EARS2: variants seen among roughly 807,000 people sequenced by gnomAD.
The protein encoded by EARS2 is glutamyl-tRNA synthetase 2, mitochondrial.
Under a neutral mutation model 54.1 loss-of-function variants are expected in EARS2, and 50 were observed. That is an observed-to-expected ratio of 0.92 (90% CI 0.74 to 1.17). The LOEUF (loss-of-function observed/expected upper bound fraction) is 1.17, where lower values mean the gene tolerates loss of function less well. Ranked by LOEUF, EARS2 falls within the 50% of genes most tolerant of loss-of-function variation. The pLI, the probability that EARS2 is intolerant of heterozygous loss-of-function variation, is 0.00. For synonymous variants in EARS2, 298 were observed against 281.0 expected (o/e 1.06, Z -0.61); for missense variants, 673 against 675.0 (o/e 1.00, Z 0.03).
intron 8 of EARS2, among the ~76,000 whole-genome samples, chr16:23,524,791 C>T (rs577485568): frequency 2.6e-5 from 4 of 151,936 alleles, no homozygotes; most frequent in East Asian, 1.9e-4. Flanking sequence ...GGATTACAGG[C>T]GCACCACCAC....
intron 1 of EARS2, 136 bp from the exon 2 acceptor site, chr16:23,552,440 A>G (rs1349343103): frequency 7.9e-6 from 8 of 1,009,398 alleles, no homozygotes; most frequent in Non-Finnish European, 1.1e-5. Flanking sequence ...CACGCCTGTA[A>G]TCCTACCACT....
chr16:23,549,544 C>T (rs901696619), intron 2 of EARS2, among the ~76,000 whole-genome samples: 4 of 152,202 alleles, frequency 2.6e-5, no homozygotes, highest in African/African-American at 9.6e-5. Context: ...GCAGCCTCAA[C>T]CTCAACTTCC....
At chr16:23,545,505 C>G (rs1318556214) in intron 2 of EARS2, among the ~76,000 whole-genome samples, 4 of 152,166 alleles carry the variant, frequency 2.6e-5, no homozygotes, top group Non-Finnish European at 5.9e-5. Context: ...CCCACCCTAC[C>G]AGGTAGGTGC....
chr16:23,525,003 C>T, intron 8 of EARS2: 1 of 609,770 alleles, frequency 1.6e-6, no homozygotes, highest in Non-Finnish European at 2.9e-6. Context: ...AAACTGCAAA[C>T]CCCATGGAGG....
rs1042372629 is a variant in EARS2 at position 23,535,093 on chromosome 16, G to A, written c.753C>T (p.Leu251=). Residue 251 remains leucine, a synonymous_variant, in exon 4 of 9, where the codon CTC becomes CTT. Coordinates refer to ENST00000449606, the MANE Select transcript of EARS2 (RefSeq NM_001083614.2). ...GGAGCAGGTGCTTGGCAGTGGAGACGAGCCACTCAGAGCCTCGCAGCACGT... is the reference window on the plus strand; with the variant it reads ...GGAGCAGGTGCTTGGCAGTGGAGACAAGCCACTCAGAGCCTCGCAGCACGT... ...ISHVLRGSEW[L]VSTAKHLLLY... 8 of 1,607,300 alleles carry A rather than the reference G, an allele frequency of 5.0e-6. No individual in the cohort carries two copies. The African/African-American group carries it at 5.3e-5, about 11-fold the overall frequency.
chr16:23,530,418 C>G (rs1567379745), intron 5 of EARS2, among the ~76,000 whole-genome samples: 1 of 152,168 alleles, frequency 6.6e-6, no homozygotes, highest in Non-Finnish European at 1.5e-5. Context: ...CCCAGCCACG[C>G]TTTCAGTGTT....
At chr16:23,534,055 A>C (rs1479590295) in intron 4 of EARS2, among the ~76,000 whole-genome samples, 1 of 148,242 alleles carries the variant, frequency 6.7e-6, no homozygotes, top group Middle Eastern at 3.3e-3. Context: ...TCTGTCTCAA[A>C]AAAAAAAAAA....
chr16:23,541,643 G>C (rs1965513734), intron 3 of EARS2, among the ~76,000 whole-genome samples: 1 of 151,864 alleles, frequency 6.6e-6, no homozygotes, highest in Admixed American at 6.6e-5. Context: ...GCAGAATTGA[G>C]TGGCCAGAGT....
intron 1 of EARS2, among the ~76,000 whole-genome samples, chr16:23,555,104 G>A (rs1429237078): frequency 6.6e-6 from 1 of 152,162 alleles, no homozygotes; most frequent in Non-Finnish European, 1.5e-5. Context: ...AAGTGGTTCG[G>A]CTGCATGAGC....
intron 3 of EARS2, among the ~76,000 whole-genome samples, chr16:23,541,151 C>G (rs1003801389): frequency 2.0e-5 from 3 of 151,962 alleles, no homozygotes; most frequent in African/African-American, 7.3e-5. Flanking sequence ...ATGGTGAAAC[C>G]CCATCTCTAC....
At chr16:23,546,153 G>A (rs565662351) in intron 2 of EARS2, among the ~76,000 whole-genome samples, 1 of 152,172 alleles carries the variant, frequency 6.6e-6, no homozygotes, top group Admixed American at 6.5e-5. Context: ...GATTAAATAT[G>A]ATCTACTGTA....
intron 2 of EARS2, chr16:23,545,227 G>A (rs980174002): frequency 8.5e-5 from 13 of 152,612 alleles, no homozygotes; most frequent in African/African-American, 2.4e-4. Context: ...AGGAGCAAAC[G>A]GAGGTGTACG....
chr16:23,535,542 ACT>A, intron 3 of EARS2, 182 bp from the exon 4 acceptor site: 2 of 609,836 alleles, frequency 3.3e-6, no homozygotes, highest in South Asian at 4.0e-5. Context: ...TGTAGCAGAC[ACT>A]AATGTCTGCC....
At chr16:23,556,503 C>A (rs1965788690) in intron 1 of EARS2, among the ~76,000 whole-genome samples, 2 of 152,200 alleles carry the variant, frequency 1.3e-5, no homozygotes, top group Non-Finnish European at 2.9e-5. Flanking sequence ...TACAGGCATG[C>A]GCCACCATGC....
intron 3 of EARS2, chr16:23,537,002 G>A (rs78014474): frequency 1.8e-5 from 3 of 162,298 alleles, no homozygotes; most frequent in African/African-American, 7.2e-5. Context: ...TTTTACAAAT[G>A]AGTCAGTTGC....
intron 5 of EARS2, among the ~76,000 whole-genome samples, chr16:23,531,529 G>C (rs190437279): frequency 6.6e-6 from 1 of 152,052 alleles, no homozygotes; most frequent in East Asian, 1.9e-4. Context: ...CTAAAGTGCT[G>C]GGATTACAGG....
In EARS2 at chr16:23,532,078, G is replaced by A. The variant is rs969767744; in HGVS notation, c.1067+579C>T. Among the ~76,000 whole-genome samples, 3 of 152,300 alleles carry A rather than the reference G, an allele frequency of 2.0e-5. No individual in the cohort carries two copies. In the East Asian group the frequency reaches 5.8e-4, roughly 29 times the overall value. ...TCTGCCAACCTTGGCCTCTCAAAGT[G>A]CTAGAATTAAAGGTGTGAGCCGCCA... On this transcript the variant is annotated intron_variant, in intron 5 of 8. Coordinates refer to ENST00000449606, the MANE Select transcript of EARS2 (RefSeq NM_001083614.2).
At chr16:23,547,223 TG>T (rs1965618130) in intron 2 of EARS2, among the ~76,000 whole-genome samples, 1 of 152,160 alleles carries the variant, frequency 6.6e-6, no homozygotes, top group Non-Finnish European at 1.5e-5. Flanking sequence ...GATGCGCTTA[TG>T]GTAAGTGAAG....
Position 23,535,190 on chromosome 16 carries a change from A to G in EARS2, c.656T>C (p.Ile219Thr). 6.2e-7 allele frequency: 1 copy of G among 1,613,816 alleles called. No individual in the cohort carries two copies. The highest frequency in any genetic ancestry group is 8.5e-7 in the Non-Finnish European group (1 of 1,179,996). Residue 219 changes from isoleucine to threonine, a missense_variant, in exon 4 of 9, where the codon ATC becomes ACC. Physicochemically the swap from Ile to Thr is moderately conservative, Grantham distance 89. Coordinates refer to ENST00000449606, the MANE Select transcript of EARS2 (RefSeq NM_001083614.2). ...TGTGGGGAAGCCGTCGCTCTTCATG[A>G]TGACTGGGTCTCCCTCCACGCTGGC... ...EVASVEGDPV[I>T]MKSDGFPTYH...
Sources: gnomAD v4.1 joint callset for allele counts (sites outside exome capture counted in the v4.1 genomes callset) on GRCh38, gnomAD v4.1.1 for gene constraint, MANE v1.5 for transcripts, NCBI Gene and HGNC (gene_info 2026-07-23, HGNC 2026-07-21) for gene names.